PARVG: variants seen among roughly 807,000 people sequenced by gnomAD.
The protein encoded by PARVG is parvin gamma, also known as gamma-parvin.
In PARVG, 36 loss-of-function variants were observed where a neutral mutation model predicts 44.4. The ratio of observed to expected loss-of-function variants is 0.81; its 90% CI spans 0.62 to 1.07. The LOEUF (loss-of-function observed/expected upper bound fraction) is 1.07, where lower values mean the gene tolerates loss of function less well. Among genes scored for constraint, PARVG ranks in the 50% least tolerant of loss-of-function variants. The pLI is 0.00. For missense variants in PARVG, 407 were observed against 407.4 expected, an observed-to-expected ratio of 1.00 and a Z score of 0.01; for synonymous variants, 170 against 174.1, an observed-to-expected ratio of 0.98 and a Z score of 0.19.
intron 12 of PARVG, among the ~76,000 whole-genome samples, chr22:44,201,649 C>T (rs2054710656): frequency 6.6e-6 from 1 of 152,238 alleles, no homozygotes; most frequent in South Asian, 2.1e-4. Context: ...TTGCCACAAA[C>T]GTGCTGCTTA....
At chr22:44,180,919 G>T (rs572822653), upstream of PARVG, 1 of 985,386 alleles carries the variant, frequency 1.0e-6, no homozygotes, top group South Asian at 4.7e-5. Flanking sequence ...GGATGGTGAA[G>T]ATTCCAGCTT....
At chr22:44,198,941 CCCACCCATCCATCCATCCAT>C (rs2054661393) in intron 12 of PARVG, among the ~76,000 whole-genome samples, 2 of 22,662 alleles carry the variant, frequency 8.8e-5, no homozygotes, top group Non-Finnish European at 1.2e-4. Flanking sequence ...CATCCATCCA[CCCACCCATCCATCCATCCAT>C]CCATCCATCC....
chr22:44,173,100 G>C lies in PARVG; in HGVS notation c.-280G>C, dbSNP rs536210242. ...TGGACAGGAGCTGGGGGAAGAGCTG[G>C]TTCACAGCCCTTTGTGGGGGATGGG... On this transcript the variant is annotated 5_prime_UTR_variant, in exon 1 of 14. Coordinates refer to the PARVG transcript ENST00000422871. 1.2e-5 allele frequency: 15 copies of C among 1,289,664 alleles called. No individual in the cohort carries two copies. In the South Asian group the frequency reaches 1.9e-4, roughly 16 times the overall value. 79.9% of individuals were successfully genotyped at this position (1,289,664 alleles called of 1,614,324 possible).
intron 8 of PARVG, among the ~76,000 whole-genome samples, chr22:44,193,032 A>G (rs572265780): frequency 6.6e-6 from 1 of 152,332 alleles, no homozygotes; most frequent in African/African-American, 2.4e-5. Flanking sequence ...CTGTGTGGAC[A>G]GCACATGGTG....
At position 44,208,376 on chromosome 22, in the gene PARVG, T is replaced by C. The variant is rs2054805529; in HGVS notation, c.*1950T>C. 6.6e-6 allele frequency: 1 copy of C among 152,194 alleles called. No homozygotes were observed. Among genetic ancestry groups the C allele is most frequent in the Admixed American group, 6.5e-5 (1 of 15,276 alleles). 9.4% of individuals were successfully genotyped at this position (152,194 alleles called of 1,614,324 possible). On this transcript the variant is annotated 3_prime_UTR_variant, in exon 14 of 14. Transcript: ENST00000444313. ...TGCATCTGTCTGCAGCCAGTTCCCT[T>C]CTCCCAGCCCCTGGCCCTGGGGACC...
intron 3 of PARVG, 68 bp downstream of exon 3, chr22:44,183,476 C>G (rs952128163): frequency 2.1e-6 from 3 of 1,424,230 alleles, no homozygotes; most frequent in Non-Finnish European, 2.8e-6. Flanking sequence ...CCTGGCCATG[C>G]CTGGGACTTG....
rs1045024529 is a variant in PARVG, at chr22:44,208,398, G to A, written c.*1972G>A. 8 of 152,166 alleles carry A rather than the reference G, an allele frequency of 5.3e-5. No individual in the cohort carries two copies. Among genetic ancestry groups the A allele is most frequent in the South Asian group, 4.1e-4 (2 of 4,836 alleles). 9.4% of individuals were successfully genotyped at this position (152,166 alleles called of 1,614,324 possible). A position where few individuals can be genotyped will look rare whatever the true frequency, so the allele number is the denominator to read the frequency against. ...CCTTCTCCCAGCCCCTGGCCCTGGG[G>A]ACCACTGATCTGTTTTCTGTCACCA... On this transcript the variant is annotated 3_prime_UTR_variant, in exon 14 of 14. Coordinates refer to ENST00000444313, the MANE Select transcript of PARVG (RefSeq NM_022141.7).
At chr22:44,195,909 TG>T (rs1286295208) in intron 9 of PARVG, among the ~76,000 whole-genome samples, 4 of 152,142 alleles carry the variant, frequency 2.6e-5, no homozygotes, top group African/African-American at 9.7e-5. Context: ...TTATCTGCTA[TG>T]GAATTCCATC....
chr22:44,201,320 T>C (rs1443252760), intron 12 of PARVG, among the ~76,000 whole-genome samples: 1 of 152,074 alleles, frequency 6.6e-6, no homozygotes, highest in Non-Finnish European at 1.5e-5. Flanking sequence ...GGGCTGCATC[T>C]CCATTTTACA....
intron 8 of PARVG, 36 bp from the exon 9 acceptor site, chr22:44,193,765 T>C: frequency 6.2e-7 from 1 of 1,608,874 alleles, no homozygotes; most frequent in African/African-American, 1.3e-5. Flanking sequence ...TGTTTTTTTT[T>C]TAACCATTTG....
At chr22:44,187,667 T>C in intron 4 of PARVG, 109 bp from the exon 5 acceptor site, 1 of 1,014,478 alleles carries the variant, frequency 9.9e-7, no homozygotes, top group Non-Finnish European at 1.5e-6. Flanking sequence ...TGACCAGGCC[T>C]TGAAAGATGG....
chr22:44,192,685 A>T (rs1420166754), intron 8 of PARVG, among the ~76,000 whole-genome samples: 1 of 145,544 alleles, frequency 6.9e-6, no homozygotes, highest in African/African-American at 2.6e-5. Flanking sequence ...GGGGTTGACC[A>T]TCCTGCTCCC....
At position 44,198,721 on chromosome 22, in the gene PARVG, T is replaced by C; in HGVS notation, c.812T>C (p.Met271Thr). 1.9e-6 allele frequency: 3 copies of C among 1,605,696 alleles called. No individual in the cohort carries two copies. Among genetic ancestry groups the C allele is most frequent in the Non-Finnish European group, 2.6e-6 (3 of 1,172,270 alleles). The change falls in exon 12 of 14, where the codon ATG becomes ACG. Residue 271 changes from methionine to threonine, a missense_variant and splice_region_variant. Physicochemically the swap from Met to Thr is moderately conservative, Grantham distance 81. Transcript: ENST00000444313. Reference sequence around the variant, plus strand: ...CTCACTCCCAACTCTCCTGCAGAAATGGTAAGTTTTCCAAGGATTTTTCTT... The same window carrying C: ...CTCACTCCCAACTCTCCTGCAGAAACGGTAAGTTTTCCAAGGATTTTTCTT... ...FYLTPNSPAE[M>T]LHNVTLALEL...
intron 1 of PARVG, among the ~76,000 whole-genome samples, chr22:44,174,226 A>G (rs35265294): frequency 0.035 from 5,317 of 151,356 alleles, 299 homozygotes; most frequent in East Asian, 0.17. Context: ...GTGAGAGGGA[A>G]CTCCCAGAAA....
rs373479253 is a variant in PARVG, at chr22:44,196,202, G to A, written c.631G>A (p.Ala211Thr). 57 of 1,614,052 alleles carry A rather than the reference G, an allele frequency of 3.5e-5. No homozygotes were observed. Among genetic ancestry groups the A allele is most frequent in the Admixed American group, 1.2e-4 (7 of 60,004 alleles). ...LFKLAPEKVN[A>T]VKEAIVNFVN... ...TAAGCTGGCTCCGGAGAAAGTGAACGCAGTGAAAGAGGTAGGAGAGATCAA... is the reference window on the plus strand; with the variant it reads ...TAAGCTGGCTCCGGAGAAAGTGAACACAGTGAAAGAGGTAGGAGAGATCAA... Residue 211 changes from alanine to threonine, a missense_variant, in exon 10 of 14, where the codon GCA (alanine) becomes ACA (threonine). Transcript: ENST00000444313.
intron 2 of PARVG, chr22:44,183,055 A>C: frequency 1.1e-5 from 5 of 466,348 alleles, no homozygotes; most frequent in East Asian, 4.3e-5. Context: ...TGCCTGAGGA[A>C]GGACCACTTC....
intron 13 of PARVG, 102 bp downstream of exon 13, chr22:44,205,931 T>C: frequency 7.4e-7 from 1 of 1,352,334 alleles, no homozygotes; most frequent in East Asian, 2.5e-5. Context: ...GAGCACGCAT[T>C]GGCAGAGTCC....
intron 1 of PARVG, chr22:44,181,429 G>A: frequency 1.0e-6 from 1 of 980,034 alleles, no homozygotes; most frequent in Non-Finnish European, 1.2e-6. Context: ...GCGGGGTGTG[G>A]AGGTGGGAGG....
At chr22:44,198,985 T>TCCAC (rs2054667379) in intron 12 of PARVG, among the ~76,000 whole-genome samples, 1 of 35,196 alleles carries the variant, frequency 2.8e-5, no homozygotes, top group Non-Finnish European at 8.0e-5. Context: ...CATCCATCCA[T>TCCAC]CCATCATCTA....
Sources: gnomAD v4.1 joint callset for allele counts (sites outside exome capture counted in the v4.1 genomes callset) on GRCh38, gnomAD v4.1.1 for gene constraint, MANE v1.5 for transcripts, NCBI Gene and HGNC (gene_info 2026-07-23, HGNC 2026-07-21) for gene names.